Variants in TNKS observed in about 807,000 individuals in gnomAD.
TNKS encodes the protein tankyrase.
In TNKS, 72 loss-of-function variants were observed where a neutral mutation model predicts 135.8. The observed-to-expected ratio is 0.53, with a 90% CI of 0.44 to 0.64. The LOEUF is 0.64. Among genes scored for constraint, TNKS ranks in the 30% least tolerant of loss-of-function variants. The pLI is 0.00. For missense variants in TNKS, 1,769 were observed against 1,674.0 expected (o/e 1.06, Z -0.99); for synonymous variants, 849 against 649.3 (o/e 1.31, Z -4.68).
At chr8:9,720,929 T>A (rs1401030182) in intron 12 of TNKS, among the ~76,000 whole-genome samples, 1 of 152,204 alleles carries the variant, frequency 6.6e-6, no homozygotes, top group African/African-American at 2.4e-5. Context: ...TCTGACATAC[T>A]TTTAAAATTC....
chr8:9,688,561 C>A (rs1488113544), intron 5 of TNKS, among the ~76,000 whole-genome samples: 1 of 152,176 alleles, frequency 6.6e-6, no homozygotes, highest in Non-Finnish European at 1.5e-5. Context: ...TCTCACAGTT[C>A]TAAAGGCTGG....
chr8:9,775,933 T>G (rs1194829126), intron 26 of TNKS, among the ~76,000 whole-genome samples: 1 of 152,000 alleles, frequency 6.6e-6, no homozygotes, highest in Admixed American at 6.6e-5. Context: ...CCTTCCAAAT[T>G]GCTGCCTTCA....
intron 17 of TNKS, chr8:9,740,885 C>A (rs556663548): frequency 7.4e-6 from 1 of 134,458 alleles, no homozygotes; most frequent in East Asian, 2.6e-4. Context: ...TCTCAGCTCA[C>A]TGCAAGCTCC....
chr8:9,597,768 A>G (rs1798846800), intron 2 of TNKS, among the ~76,000 whole-genome samples: 1 of 152,164 alleles, frequency 6.6e-6, no homozygotes, highest in African/African-American at 2.4e-5. Flanking sequence ...GAAAATTGTA[A>G]CCCACTAGGA....
rs1804250999 is a variant in TNKS, at chr8:9,710,173, A to G, written c.1702A>G (p.Arg568Gly). The change falls in exon 11 of 27, where the codon AGA becomes GGA. Residue 568 changes from arginine (R) to glycine (G), a missense_variant. By Grantham distance (125) the Arg-to-Gly change is moderately radical (BLOSUM62 -2). Transcript: ENST00000310430. ...GACTCCCCTGCATGTTGCAGCCGAA[A>G]GAGCCCATAATGATGTCATGGAAGT... is the stretch of plus-strand genomic sequence containing the variant. Reference protein sequence around the residue: ...FMTPLHVAAERAHNDVMEVLH... With the variant: ...FMTPLHVAAEGAHNDVMEVLH... The G allele has an allele frequency of 1.2e-6, 2 of 1,614,236 alleles. No individual in the cohort carries two copies. Among genetic ancestry groups the G allele is most frequent in the Non-Finnish European group, 1.7e-6 (2 of 1,180,046 alleles).
intron 3 of TNKS, among the ~76,000 whole-genome samples, chr8:9,637,543 T>G (rs948306818): frequency 1.3e-5 from 2 of 152,210 alleles, no homozygotes; most frequent in African/African-American, 4.8e-5. Flanking sequence ...ATAAATTGCT[T>G]ATGATGGGAC....
intron 2 of TNKS, among the ~76,000 whole-genome samples, chr8:9,589,815 C>G (rs1207690958): frequency 6.6e-6 from 1 of 152,224 alleles, no homozygotes; most frequent in African/African-American, 2.4e-5. Flanking sequence ...TTTGAACCAT[C>G]TCATGCCTTC....
intron 5 of TNKS, among the ~76,000 whole-genome samples, chr8:9,696,391 A>G (rs1352186240): frequency 6.6e-6 from 1 of 152,166 alleles, no homozygotes; most frequent in Non-Finnish European, 1.5e-5. Flanking sequence ...GTCAGATAAG[A>G]TAAGGACTGA....
In TNKS at chr8:9,709,730, C is replaced by G. The variant is rs1051532451; in HGVS notation, c.1579-225C>G. ...CTAAGCCAAAAGAAATAAGATCTCT[C>G]TTAATGTTTAAGAGCATAATTTCAC... On this transcript the variant is annotated intron_variant, in intron 9 of 26. Coordinates refer to ENST00000310430, the MANE Select transcript of TNKS (RefSeq NM_003747.3). 3.9e-5 allele frequency among the ~76,000 whole-genome samples: 6 copies of G among 152,196 alleles called. No individual in the cohort carries two copies. In the East Asian group the frequency reaches 7.7e-4, roughly 19 times the overall value.
At chr8:9,662,475 C>G (rs536181912) in intron 3 of TNKS, among the ~76,000 whole-genome samples, 1 of 152,238 alleles carries the variant, frequency 6.6e-6, no homozygotes, top group East Asian at 1.9e-4. Flanking sequence ...AACCATCATT[C>G]TCAGCAAACT....
intron 19 of TNKS, among the ~76,000 whole-genome samples, chr8:9,752,100 A>C (rs1341792306): frequency 1.3e-5 from 2 of 152,232 alleles, no homozygotes; most frequent in East Asian, 3.8e-4. Context: ...ACTTATACTG[A>C]AATTGTGTCA....
At chr8:9,644,163 G>A (rs1257084819) in intron 3 of TNKS, among the ~76,000 whole-genome samples, 1 of 152,162 alleles carries the variant, frequency 6.6e-6, no homozygotes, top group Non-Finnish European at 1.5e-5. Context: ...TTTCAGCCTT[G>A]TCAGTTGAAG....
At chr8:9,667,520 T>C (rs1802051700) in intron 3 of TNKS, among the ~76,000 whole-genome samples, 1 of 152,258 alleles carries the variant, frequency 6.6e-6, no homozygotes, top group South Asian at 2.1e-4. Context: ...TCCTGAGGAA[T>C]TGCAGACTGA....
At chr8:9,726,421 A>C (rs1805167608) in intron 12 of TNKS, among the ~76,000 whole-genome samples, 1 of 152,184 alleles carries the variant, frequency 6.6e-6, no homozygotes, top group South Asian at 2.1e-4. Flanking sequence ...ATACATAAAA[A>C]AAGTAAACAT....
rs898577916 is a variant in TNKS, at chr8:9,567,184, A to T, written c.673+10572A>T. ...GGGCATCATCTTCCCACCCCAAGGG[A>T]GCTACTAGTGATTTTGACATATTCC... On this transcript the variant is annotated intron_variant, in intron 1 of 26. Coordinates refer to ENST00000310430, the MANE Select transcript of TNKS (RefSeq NM_003747.3). Among the ~76,000 whole-genome samples the T allele has an allele frequency of 9.8e-5, 15 of 152,334 alleles. No homozygotes were observed. In the South Asian group the frequency reaches 2.7e-3, roughly 27 times the overall value.
intron 3 of TNKS, among the ~76,000 whole-genome samples, chr8:9,632,539 C>T (rs1309364933): frequency 6.6e-6 from 1 of 152,132 alleles, no homozygotes; most frequent in South Asian, 2.1e-4. Context: ...CCCATCAATA[C>T]TAGGTAACTC....
chr8:9,594,623 A>C (rs551688187), intron 2 of TNKS, among the ~76,000 whole-genome samples: 1 of 152,164 alleles, frequency 6.6e-6, no homozygotes, highest in Non-Finnish European at 1.5e-5. Flanking sequence ...ATGTAGTAAC[A>C]TATTTTATTG....
At chr8:9,758,738 C>G (rs1458445249) in intron 20 of TNKS, among the ~76,000 whole-genome samples, 2 of 152,192 alleles carry the variant, frequency 1.3e-5, no homozygotes, top group African/African-American at 2.4e-5. Flanking sequence ...GCCTTGATTC[C>G]TCACCTGTGG....
chr8:9,776,743 C>A lies in TNKS; in HGVS notation c.*7C>A, dbSNP rs1456784862. The A allele has an allele frequency of 1.2e-6, 2 of 1,613,308 alleles. No homozygotes were observed. Among genetic ancestry groups the A allele is most frequent in the Non-Finnish European group, 1.7e-6 (2 of 1,179,490 alleles). On this transcript the variant is annotated 3_prime_UTR_variant, in exon 27 of 27. Coordinates refer to ENST00000310430, the MANE Select transcript of TNKS (RefSeq NM_003747.3). ...CGCAGAGCAGAAGACCTAGTGAATG[C>A]CTGCTGGTGAAGGCCAGATCAGATT...
Sources: allele counts gnomAD v4.1 joint callset (sites outside exome capture counted in the v4.1 genomes callset), GRCh38; gene constraint gnomAD v4.1.1; transcripts MANE v1.5; gene names NCBI Gene and HGNC (gene_info 2026-07-23, HGNC 2026-07-21).